Variants in SUFU observed in about 807,000 individuals in gnomAD.
SUFU encodes the protein suppressor of fused homolog.
Under a neutral mutation model 58.9 loss-of-function variants are expected in SUFU, and 7 were observed. The ratio of observed to expected loss-of-function variants is 0.12; its 90% CI spans 0.07 to 0.22. The LOEUF (loss-of-function observed/expected upper bound fraction) is 0.22. Among genes scored for constraint, SUFU ranks in the 10% least tolerant of loss-of-function variants. The probability of loss-of-function intolerance (pLI) is 1.00; values close to 1 mark genes in which losing one functional copy is unlikely to be tolerated. For missense variants in SUFU, 451 were observed against 641.3 expected, an observed-to-expected ratio of 0.70 and a Z score of 3.20; for synonymous variants, 232 against 254.8, an observed-to-expected ratio of 0.91 and a Z score of 0.85.
chr10:102,513,022 T>C (rs751578092), intron 2 of SUFU, among the ~76,000 whole-genome samples: 10 of 151,964 alleles, frequency 6.6e-5, no homozygotes, highest in African/African-American at 1.2e-4. Flanking sequence ...AAGCCATAAT[T>C]GCACTACTGC....
chr10:102,546,367 C>G (rs2062855109), intron 2 of SUFU, among the ~76,000 whole-genome samples: 1 of 152,168 alleles, frequency 6.6e-6, no homozygotes, highest in Non-Finnish European at 1.5e-5. Flanking sequence ...TTCTTTCTTT[C>G]TTTAATTTCT....
intron 2 of SUFU, among the ~76,000 whole-genome samples, chr10:102,547,461 C>T (rs750465992): frequency 3.9e-5 from 6 of 152,216 alleles, no homozygotes; most frequent in Admixed American, 2.0e-4. Context: ...TGTGTACCCT[C>T]AAAATGGATT....
At chr10:102,572,595 G>T (rs1041609048) in intron 3 of SUFU, among the ~76,000 whole-genome samples, 2 of 151,722 alleles carry the variant, frequency 1.3e-5, no homozygotes, top group Admixed American at 1.3e-4. Context: ...TTGCCATCTT[G>T]CCCAGGCTGA....
chr10:102,510,452 C>T (rs922961964), intron 2 of SUFU, among the ~76,000 whole-genome samples: 5 of 146,098 alleles, frequency 3.4e-5, no homozygotes, highest in East Asian at 4.3e-4. Context: ...TCGTGATCTG[C>T]CTGCCTCGGC....
chr10:102,518,373 A>G (rs906086519), intron 2 of SUFU, among the ~76,000 whole-genome samples: 2 of 152,158 alleles, frequency 1.3e-5, no homozygotes, highest in African/African-American at 2.4e-5. Flanking sequence ...GGAGAATTCT[A>G]TTCAGAATTA....
chr10:102,556,852 G>A (rs1452344122), intron 3 of SUFU, among the ~76,000 whole-genome samples: 2 of 152,014 alleles, frequency 1.3e-5, no homozygotes, highest in Non-Finnish European at 1.5e-5. Context: ...CACTTTGGGA[G>A]CCCGAGACAG....
intron 2 of SUFU, among the ~76,000 whole-genome samples, chr10:102,522,870 G>A (rs2062566709): frequency 6.6e-6 from 1 of 152,188 alleles, no homozygotes; most frequent in Admixed American, 6.5e-5. Flanking sequence ...ACCTGGTCCT[G>A]GTCCTCATTG....
chr10:102,552,346 C>A (rs1156243047), intron 3 of SUFU, among the ~76,000 whole-genome samples: 1 of 151,744 alleles, frequency 6.6e-6, no homozygotes, highest in East Asian at 1.9e-4. Flanking sequence ...GGTAGGAGGA[C>A]CATTTGAGCC....
chr10:102,590,498 T>C (rs1456009045), intron 3 of SUFU, among the ~76,000 whole-genome samples: 1 of 152,060 alleles, frequency 6.6e-6, no homozygotes, highest in African/African-American at 2.4e-5. Flanking sequence ...CTGGGTTCTG[T>C]TTGCTGGTAT....
chr10:102,579,461 C>T (rs1263407678), intron 3 of SUFU, among the ~76,000 whole-genome samples: 2 of 152,176 alleles, frequency 1.3e-5, no homozygotes, highest in Admixed American at 6.5e-5. Context: ...TACTGAGCAT[C>T]TCTGCTTATA....
At chr10:102,519,811 G>A (rs986435286) in intron 2 of SUFU, among the ~76,000 whole-genome samples, 4 of 152,036 alleles carry the variant, frequency 2.6e-5, no homozygotes, top group Admixed American at 2.0e-4. Flanking sequence ...TCGCTCTGTC[G>A]CTCAGGCTGG....
In SUFU at chr10:102,516,002, C is replaced by T. The variant is rs542707244; in HGVS notation, c.317+6699C>T. Among the ~76,000 whole-genome samples, 8 of 152,280 alleles carry T rather than the reference C, an allele frequency of 5.3e-5. No homozygotes were observed. The South Asian group carries it at 1.0e-3, about 20-fold the overall frequency. On this transcript the variant is annotated intron_variant, in intron 2 of 11. Coordinates refer to ENST00000369902, the MANE Select transcript of SUFU (RefSeq NM_016169.4). ...AGTGTGGGGCAGGGCCCAACAGGGA[C>T]TCTCCAGAGCCCTTCCTGAGGCCAA...
At chr10:102,515,479 C>T (rs2062457638) in intron 2 of SUFU, among the ~76,000 whole-genome samples, 1 of 152,016 alleles carries the variant, frequency 6.6e-6, no homozygotes, top group South Asian at 2.1e-4. Context: ...CCATGCCTGG[C>T]TAATTCTTGT....
At position 102,617,436 on chromosome 10, in the gene SUFU, GGCCCTTTTTCTTCTCCCTCCTTCCTTTCA is replaced by G; in HGVS notation, c.1296+9_1296+37del. 1 of 1,614,232 alleles carries G rather than the reference GGCCCTTTTTCTTCTCCCTCCTTCCTTTCA, an allele frequency of 6.2e-7. No homozygotes were observed. Among genetic ancestry groups the G allele is most frequent in the Non-Finnish European group, 8.5e-7 (1 of 1,180,050 alleles). ...CATGGACCCTGGTTACAAGTGAGAA[GGCCCTTTTTCTTCTCCCTCCTTCCTTTCA>G]TAGACTTCCTTGCCCACCCCTCCTC... On this transcript the variant is annotated intron_variant, in intron 10 of 11. Transcript: ENST00000369902. This position sits in a 1 kb window ranked among gnomAD's most constrained non-coding sequence, Gnocchi z 4.4.
intron 3 of SUFU, among the ~76,000 whole-genome samples, chr10:102,583,783 G>T (rs1173315471): frequency 6.6e-6 from 1 of 151,848 alleles, no homozygotes; most frequent in Non-Finnish European, 1.5e-5. Flanking sequence ...GTATACATGT[G>T]CCATGTTGGT....
chr10:102,535,161 C>A (rs1239995490), intron 2 of SUFU, among the ~76,000 whole-genome samples: 2 of 151,980 alleles, frequency 1.3e-5, no homozygotes. Flanking sequence ...CAGCCTGGGA[C>A]CAGGAGGAAG....
chr10:102,525,346 G>C (rs989080527), intron 2 of SUFU, among the ~76,000 whole-genome samples: 1 of 152,042 alleles, frequency 6.6e-6, no homozygotes, highest in African/African-American at 2.4e-5. Context: ...CCGGCCTTAA[G>C]TGATCTGCCC....
chr10:102,590,408 G>A (rs926103852), intron 3 of SUFU, among the ~76,000 whole-genome samples: 3 of 151,628 alleles, frequency 2.0e-5, no homozygotes, highest in African/African-American at 4.8e-5. Flanking sequence ...CTCGTGATCC[G>A]CGTGCCTCGG....
rs770841417 is a variant in SUFU, at chr10:102,593,972, A to G, written c.684-21A>G. Reference sequence around the variant, plus strand: ...GCCCCAGACCCTCAGTTACCATTGTATCCCCTTTCCTTGTCCACAGTGCTG... The same window carrying G: ...GCCCCAGACCCTCAGTTACCATTGTGTCCCCTTTCCTTGTCCACAGTGCTG... On this transcript the variant is annotated intron_variant, in intron 5 of 11. Transcript: ENST00000369902. 2.5e-6 allele frequency: 4 copies of G among 1,613,944 alleles called. No homozygotes were observed. In the East Asian group the frequency reaches 8.9e-5, roughly 36 times the overall value.
Sources: gnomAD v4.1 joint callset for allele counts (sites outside exome capture counted in the v4.1 genomes callset) on GRCh38, gnomAD v4.1.1 for gene constraint, Gnocchi (gnomAD v3.1) non-coding constraint, MANE v1.5 for transcripts, NCBI Gene and HGNC (gene_info 2026-07-23, HGNC 2026-07-21) for gene names.